IDH3A: variants seen among roughly 807,000 people sequenced by gnomAD.
IDH3A encodes the protein isocitrate dehydrogenase [NAD] subunit alpha, mitochondrial.
In IDH3A, 23 loss-of-function variants were observed where a neutral mutation model predicts 43.3. That is an observed-to-expected ratio of 0.53 (90% CI 0.38 to 0.75). The LOEUF (loss-of-function observed/expected upper bound fraction) is 0.75, where lower values mean the gene tolerates loss of function less well. IDH3A is among the 30% of genes least tolerant of loss of function. The pLI is 0.00. For synonymous variants in IDH3A, 154 were observed against 163.5 expected, an observed-to-expected ratio of 0.94 and a Z score of 0.44; for missense variants, 329 against 474.4, an observed-to-expected ratio of 0.69 and a Z score of 2.85.
intron 10 of IDH3A, chr15:78,168,716 C>G (rs2074780769): frequency 2.3e-6 from 1 of 437,324 alleles, no homozygotes; most frequent in Admixed American, 3.8e-5. Flanking sequence ...TTGCAGAGTG[C>G]TGTTGTATAC....
intron 3 of IDH3A, among the ~76,000 whole-genome samples, chr15:78,157,903 TC>T (rs543336224): frequency 4.5e-4 from 69 of 152,048 alleles, no homozygotes; most frequent in Non-Finnish European, 6.8e-4. Context: ...GCTCAAGCGA[TC>T]CTCCCACCTT....
At chr15:78,159,656 G>A (rs1441232522) in intron 3 of IDH3A, among the ~76,000 whole-genome samples, 1 of 152,148 alleles carries the variant, frequency 6.6e-6, no homozygotes, top group African/African-American at 2.4e-5. Context: ...TTGCATGCCA[G>A]GAACCTTCTG....
rs147529938 is a variant in IDH3A at position 78,153,877 on chromosome 15, C to T, written c.28-1336C>T. ...CTACTAAAAATACAACAAGATTAGC[C>T]GGGCATGGTGGTGCATCCCTGTAAT... On this transcript the variant is annotated intron_variant, in intron 1 of 10. Transcript: ENST00000299518. 1.9e-3 allele frequency among the ~76,000 whole-genome samples: 294 copies of T among 152,090 alleles called. 2 individuals carry two copies. Among genetic ancestry groups the T allele is most frequent in the Non-Finnish European group, 2.9e-3 (196 of 67,984 alleles).
rs1289265430 is a variant in IDH3A at position 78,165,081 on chromosome 15, G to A, written c.864+5G>A. 3.8e-6 allele frequency: 6 copies of A among 1,598,008 alleles called. No homozygotes were observed. Among genetic ancestry groups the A allele is most frequent in the Non-Finnish European group, 5.1e-6 (6 of 1,165,478 alleles). ...GGGGTTGCAATTTTTGAGTCGGTAA[G>A]GACCCTGACACCTGAAACAGAACTC... On this transcript the variant is annotated splice_donor_5th_base_variant and intron_variant, in intron 9 of 10. Transcript: ENST00000299518.
At position 78,171,212 on chromosome 15, in the gene IDH3A, CA is replaced by C. The variant is rs2074817285; in HGVS notation, c.*2212del. ...GAGCTGATCTCATTTGTCACCTGAA[CA>C]AAAAGCAATACTTAAACTGAATTAA... On this transcript the variant is annotated 3_prime_UTR_variant, in exon 11 of 11. Transcript: ENST00000299518. 2.6e-6 allele frequency: 1 copy of C among 382,366 alleles called. No homozygotes were observed. Among genetic ancestry groups the C allele is most frequent in the Non-Finnish European group, 4.8e-6 (1 of 208,838 alleles). The allele number at this position is 382,366 out of a possible 1,614,324, so 23.7% of individuals were successfully genotyped here. A position where few individuals can be genotyped will look rare whatever the true frequency, so the allele number is the denominator to read the frequency against.
rs1169891970 is a variant in IDH3A at position 78,165,512 on chromosome 15, C to T, written c.864+436C>T. ...CAGCCTATGTTTGTTTTTATATACACCCATATATAAACATATATATATGTT... is the reference window on the plus strand; with the variant it reads ...CAGCCTATGTTTGTTTTTATATACATCCATATATAAACATATATATATGTT... On this transcript the variant is annotated intron_variant, in intron 9 of 10. Transcript: ENST00000299518. Among the ~76,000 whole-genome samples the T allele has an allele frequency of 2.0e-5, 3 of 151,938 alleles. No individual in the cohort carries two copies. The East Asian group carries it at 5.8e-4, about 29-fold the overall frequency.
chr15:78,171,478 A>C lies in IDH3A; in HGVS notation c.*2473A>C. On this transcript the variant is annotated 3_prime_UTR_variant, in exon 11 of 11. Coordinates refer to ENST00000299518, the MANE Select transcript of IDH3A (RefSeq NM_005530.3). ...TTGCTCTTGGTAAAAGGAGTCAATG[A>C]TACCTTTGTACTTCTCCAAAACTGT... 1.2e-6 allele frequency: 2 copies of C among 1,614,186 alleles called. No individual in the cohort carries two copies. Among genetic ancestry groups the C allele is most frequent in the Non-Finnish European group, 1.7e-6 (2 of 1,180,004 alleles).
rs2074631121 is a variant in IDH3A at position 78,157,337 on chromosome 15, A to G, written c.91-211A>G. 4.7e-6 allele frequency: 3 copies of G among 639,444 alleles called. No individual in the cohort carries two copies. The East Asian group carries it at 9.3e-5, about 20-fold the overall frequency. The allele number at this position is 639,444 out of a possible 1,614,324, so 39.6% of individuals were successfully genotyped here. A position where few individuals can be genotyped will look rare whatever the true frequency, so the allele number is the denominator to read the frequency against. ...CATTTGGTTCTTTTTAAAACCTCTG[A>G]ACTCAGGTAAAGAGTAGGATTGCAG... On this transcript the variant is annotated intron_variant, in intron 2 of 10. Transcript: ENST00000299518.
At chr15:78,149,474 A>G (rs2074554608) in intron 1 of IDH3A, 44 bp downstream of exon 1, 2 of 1,491,548 alleles carry the variant, frequency 1.3e-6, no homozygotes, top group South Asian at 2.5e-5. Flanking sequence ...GCAGGCCGCG[A>G]GGGCTGGCAG....
chr15:78,150,482 G>C (rs1004399648), intron 1 of IDH3A, among the ~76,000 whole-genome samples: 7 of 152,202 alleles, frequency 4.6e-5, no homozygotes, highest in African/African-American at 7.2e-5. Flanking sequence ...GAGAGGTCCA[G>C]AGATGCACTG....
intron 4 of IDH3A, among the ~76,000 whole-genome samples, chr15:78,160,863 G>A (rs1031093502): frequency 1.3e-5 from 2 of 149,908 alleles, no homozygotes; most frequent in Non-Finnish European, 3.0e-5. Flanking sequence ...CTAGCATGTG[G>A]TAGATTTAAA....
At position 78,171,364 on chromosome 15, in the gene IDH3A, G is replaced by A; in HGVS notation, c.*2359G>A. The stretch of plus-strand genomic sequence containing the variant: ...GACTTGGCAGAAATGCCTGTGCCCA[G>A]ACTGAAGAGACCTGGGGCTCAGGAA... On this transcript the variant is annotated 3_prime_UTR_variant, in exon 11 of 11. Transcript: ENST00000299518. 2.5e-6 allele frequency: 3 copies of A among 1,223,974 alleles called. No homozygotes were observed. The South Asian group carries it at 3.9e-5, about 16-fold the overall frequency. The allele number at this position is 1,223,974 out of a possible 1,614,324, so 75.8% of individuals were successfully genotyped here. A position where few individuals can be genotyped will look rare whatever the true frequency, so the allele number is the denominator to read the frequency against.
intron 1 of IDH3A, among the ~76,000 whole-genome samples, chr15:78,150,094 G>A (rs1216131825): frequency 6.6e-6 from 1 of 152,218 alleles, no homozygotes; most frequent in Non-Finnish European, 1.5e-5. Context: ...CGGAGAGAGA[G>A]ACCAGCAGAG....
At chr15:78,160,616 C>T (rs374741249) in intron 4 of IDH3A, among the ~76,000 whole-genome samples, 2 of 151,354 alleles carry the variant, frequency 1.3e-5, no homozygotes, top group Non-Finnish European at 2.9e-5. Context: ...CTCAGCCGCC[C>T]GAGTGGCTAG....
chr15:78,162,186 C>T (rs377091572), intron 5 of IDH3A, 48 bp from the exon 6 acceptor site: 31 of 1,609,068 alleles, frequency 1.9e-5, no homozygotes, highest in Non-Finnish European at 2.6e-5. Flanking sequence ...TCTCCCACTG[C>T]GTTGCTGTCA....
chr15:78,154,327 A>C (rs901972840), intron 1 of IDH3A: 2 of 152,178 alleles, frequency 1.3e-5, no homozygotes, highest in Non-Finnish European at 2.9e-5. Context: ...TTATCAGAAG[A>C]AGCAGTAATT....
intron 6 of IDH3A, among the ~76,000 whole-genome samples, chr15:78,163,092 C>A (rs963363640): frequency 3.3e-5 from 5 of 152,226 alleles, no homozygotes; most frequent in African/African-American, 1.2e-4. Context: ...AACTTAAATT[C>A]TCATCCAGAG....
chr15:78,154,223 C>A (rs1467986010), intron 1 of IDH3A, among the ~76,000 whole-genome samples: 2 of 147,934 alleles, frequency 1.4e-5, no homozygotes, highest in African/African-American at 4.9e-5. Context: ...GTGGTAATAT[C>A]TTGGTGTGGT....
intron 1 of IDH3A, among the ~76,000 whole-genome samples, chr15:78,150,443 C>A (rs2074564508): frequency 6.6e-6 from 1 of 152,130 alleles, no homozygotes; most frequent in African/African-American, 2.4e-5. Flanking sequence ...AAGTTTGATA[C>A]TACTTTTCTC....
Sources: allele counts gnomAD v4.1 joint callset (sites outside exome capture counted in the v4.1 genomes callset), GRCh38; gene constraint gnomAD v4.1.1; transcripts MANE v1.5; gene names NCBI Gene and HGNC (gene_info 2026-07-23, HGNC 2026-07-21).